KIN: variants seen among roughly 807,000 people sequenced by gnomAD.
The protein encoded by KIN is DNA/RNA-binding protein KIN17.
In KIN, 47 loss-of-function variants were observed where a neutral mutation model predicts 63.0. The observed-to-expected ratio is 0.75, with a 90% CI of 0.59 to 0.95. The LOEUF (loss-of-function observed/expected upper bound fraction) is 0.95, where lower values mean the gene tolerates loss of function less well. Among genes scored for constraint, KIN ranks in the 40% least tolerant of loss-of-function variants. KIN has a pLI of 0.00. For synonymous variants in KIN, 160 were observed against 157.7 expected, an observed-to-expected ratio of 1.01 and a Z score of -0.11; for missense variants, 408 against 460.9, an observed-to-expected ratio of 0.89 and a Z score of 1.05.
In KIN at chr10:7,752,973, C is replaced by G. The variant is rs951068678; in HGVS notation, c.*3107G>C. ...AAACTTCTAGGGCAGTGAAACTGTT[C>G]TGTGTGATACTACAGTGGCAGATGC... is the stretch of plus-strand genomic sequence containing the variant. On this transcript the variant is annotated 3_prime_UTR_variant, in exon 13 of 13. Coordinates refer to ENST00000379562, the MANE Select transcript of KIN (RefSeq NM_012311.4). 3 of 152,138 alleles carry G rather than the reference C, an allele frequency of 2.0e-5. No homozygotes were observed. Among genetic ancestry groups the G allele is most frequent in the African/African-American group, 4.8e-5 (2 of 41,428 alleles). 9.4% of individuals were successfully genotyped at this position (152,138 alleles called of 1,614,324 possible).
chr10:7,763,829 G>A lies in KIN; in HGVS notation c.850-38C>T, dbSNP rs762763981. The stretch of plus-strand genomic sequence containing the variant: ...AACAAAAAAAATGAAAGGAAAGACA[G>A]AAGTTATCGTTTGTCATTTACTTCT... On this transcript the variant is annotated intron_variant, in intron 9 of 12. Transcript: ENST00000379562. The A allele has an allele frequency of 6.8e-6, 7 of 1,031,140 alleles. No homozygotes were observed. In the South Asian group the frequency reaches 9.8e-5, roughly 14 times the overall value. The allele number at this position is 1,031,140 out of a possible 1,614,324, so 63.9% of individuals were successfully genotyped here.
At chr10:7,787,780 G>C (rs747899557) in intron 1 of KIN, 40 bp downstream of exon 1, 42 of 1,473,536 alleles carry the variant, frequency 2.9e-5, no homozygotes, top group Non-Finnish European at 3.8e-5. Flanking sequence ...GATTGCCAGG[G>C]GCCCTCCTGG....
Position 7,787,832 on chromosome 10 carries a change from C to T in KIN, c.102G>A (p.Gln34=), listed in dbSNP as rs762954328. The change falls in exon 1 of 13, where the codon CAG becomes CAA. Residue 34 remains glutamine (Q), a synonymous_variant. Coordinates refer to ENST00000379562, the MANE Select transcript of KIN (RefSeq NM_012311.4). ...CGGGCCCACTCACCTCGTCCCGGCA[C>T]TGCTTCTGGCACATCTGGCAATACC... ...LRWYCQMCQK[Q]CRDENGFKCH... The T allele has an allele frequency of 1.2e-6, 2 of 1,613,664 alleles. No individual in the cohort carries two copies. Among genetic ancestry groups the T allele is most frequent in the African/African-American group, 2.7e-5 (2 of 75,060 alleles).
chr10:7,765,123 C>T (rs1009883281), intron 9 of KIN, among the ~76,000 whole-genome samples: 1 of 144,302 alleles, frequency 6.9e-6, no homozygotes, highest in Admixed American at 7.2e-5. Context: ...CGTGCCATTG[C>T]ACTCCAGCCT....
At chr10:7,763,349 A>G (rs1835474284) in intron 10 of KIN, among the ~76,000 whole-genome samples, 1 of 152,248 alleles carries the variant, frequency 6.6e-6, no homozygotes, top group African/African-American at 2.4e-5. Context: ...CTCTGACAGT[A>G]TAATTGTTAG....
In KIN at chr10:7,755,803, C is replaced by T; in HGVS notation, c.*277G>A. The T allele has an allele frequency of 4.4e-6, 1 of 229,278 alleles. No homozygotes were observed. Among genetic ancestry groups the T allele is most frequent in the Non-Finnish European group, 8.4e-6 (1 of 119,574 alleles). 14.2% of individuals were successfully genotyped at this position (229,278 alleles called of 1,614,324 possible). A position where few individuals can be genotyped will look rare whatever the true frequency, so the allele number is the denominator to read the frequency against. ...TGATTCTAAATTGTCATAGATAAAACACTTTATAATAACATTCTTTAATGA... is the reference window on the plus strand; with the variant it reads ...TGATTCTAAATTGTCATAGATAAAATACTTTATAATAACATTCTTTAATGA... On this transcript the variant is annotated 3_prime_UTR_variant, in exon 13 of 13. Transcript: ENST00000379562.
chr10:7,774,458 G>A (rs1377083438), intron 7 of KIN, among the ~76,000 whole-genome samples: 1 of 152,142 alleles, frequency 6.6e-6, no homozygotes, highest in Non-Finnish European at 1.5e-5. Context: ...GTTTATTGAT[G>A]TGAAACATAT....
In KIN at chr10:7,759,800, ATT is replaced by A. The variant is rs1428701647; in HGVS notation, c.1119+88_1119+89del. 10 of 695,758 alleles carry A rather than the reference ATT, an allele frequency of 1.4e-5. No homozygotes were observed. The East Asian group carries it at 2.2e-4, about 16-fold the overall frequency. The allele number at this position is 695,758 out of a possible 1,614,324, so 43.1% of individuals were successfully genotyped here. A position where few individuals can be genotyped will look rare whatever the true frequency, so the allele number is the denominator to read the frequency against. ...GATAGAAGGCTAACAAAAAACTCAA[ATT>A]CTAAAATAAAGAACAATCCAATTAA... On this transcript the variant is annotated intron_variant, in intron 12 of 12. Coordinates refer to ENST00000379562, the MANE Select transcript of KIN (RefSeq NM_012311.4).
chr10:7,761,884 C>T (rs1007979034), intron 11 of KIN, among the ~76,000 whole-genome samples: 6 of 152,086 alleles, frequency 3.9e-5, no homozygotes, highest in African/African-American at 1.2e-4. Flanking sequence ...TGCCTGTAAT[C>T]CCAGCTACTT....
intron 1 of KIN, among the ~76,000 whole-genome samples, chr10:7,784,412 C>T (rs1209467633): frequency 1.3e-5 from 2 of 152,002 alleles, no homozygotes; most frequent in African/African-American, 4.8e-5. Context: ...ATGAGACCTC[C>T]ATCTCCACAA....
chr10:7,765,449 A>C (rs1423801578), intron 9 of KIN, among the ~76,000 whole-genome samples: 3 of 150,866 alleles, frequency 2.0e-5, no homozygotes, highest in African/African-American at 7.3e-5. Flanking sequence ...TAAAAAAAAG[A>C]ATAAGACACT....
chr10:7,771,240 C>T (rs574629806), intron 7 of KIN, among the ~76,000 whole-genome samples: 2 of 152,248 alleles, frequency 1.3e-5, no homozygotes, highest in Non-Finnish European at 2.9e-5. Context: ...TAATCAACTA[C>T]AATATGTCTA....
intron 12 of KIN, among the ~76,000 whole-genome samples, chr10:7,758,290 G>A (rs1835372044): frequency 6.6e-6 from 1 of 152,030 alleles, no homozygotes; most frequent in African/African-American, 2.4e-5. Flanking sequence ...GGCTGGTCTC[G>A]AACTCCTGAC....
chr10:7,774,804 A>T, intron 7 of KIN, 27 bp downstream of exon 7: 1 of 1,560,654 alleles, frequency 6.4e-7, no homozygotes, highest in Non-Finnish European at 8.8e-7. Flanking sequence ...CTAATGTTTT[A>T]AGATATCCGT....
chr10:7,787,603 G>C (rs2131044824), intron 1 of KIN, among the ~76,000 whole-genome samples: 1 of 152,352 alleles, frequency 6.6e-6, no homozygotes, highest in Non-Finnish European at 1.5e-5. Context: ...GGAGGAATGA[G>C]GGGTCGCAGA....
Position 7,756,041 on chromosome 10 carries a change from G to A in KIN, c.*39C>T, listed in dbSNP as rs1486440811. ...ATGCCTTGGCGAACACCAATTTGAT[G>A]CTTTAAGATTTTAATGTATTGTTAA... On this transcript the variant is annotated 3_prime_UTR_variant, in exon 13 of 13. Coordinates refer to ENST00000379562, the MANE Select transcript of KIN (RefSeq NM_012311.4). 1 of 1,232,876 alleles carries A rather than the reference G, an allele frequency of 8.1e-7. No homozygotes were observed. Among genetic ancestry groups the A allele is most frequent in the Non-Finnish European group, 1.2e-6 (1 of 853,016 alleles). The allele number at this position is 1,232,876 out of a possible 1,614,324, so 76.4% of individuals were successfully genotyped here. A position where few individuals can be genotyped will look rare whatever the true frequency, so the allele number is the denominator to read the frequency against.
intron 6 of KIN, 60 bp from the exon 7 acceptor site, chr10:7,774,951 C>A: frequency 8.2e-7 from 1 of 1,220,038 alleles, no homozygotes; most frequent in South Asian, 1.2e-5. Flanking sequence ...TAAAACTTCT[C>A]AGATAAGATA....
At position 7,780,196 on chromosome 10, in the gene KIN, C is replaced by T. The variant is rs368287364; in HGVS notation, c.254-18G>A. 1 of 1,611,964 alleles carries T rather than the reference C, an allele frequency of 6.2e-7. No homozygotes were observed. Among genetic ancestry groups the T allele is most frequent in the Admixed American group, 1.7e-5 (1 of 59,554 alleles). The stretch of plus-strand genomic sequence containing the variant: ...TTTAGTGCCTGAGAACAAAATATGA[C>T]ACTGATGATCATCAGAAGATTATGC... On this transcript the variant is annotated intron_variant, in intron 3 of 12. Transcript: ENST00000379562.
intron 9 of KIN, among the ~76,000 whole-genome samples, chr10:7,764,698 G>A (rs1479099966): frequency 6.6e-6 from 1 of 152,152 alleles, no homozygotes; most frequent in African/African-American, 2.4e-5. Context: ...GCCAATTAAT[G>A]CCAAAACAAC....
Sources: allele counts gnomAD v4.1 joint callset (sites outside exome capture counted in the v4.1 genomes callset), GRCh38; gene constraint gnomAD v4.1.1; transcripts MANE v1.5; gene names NCBI Gene and HGNC (gene_info 2026-07-23, HGNC 2026-07-21).